BNIPL: variants seen among roughly 807,000 people sequenced by gnomAD.
The protein encoded by BNIPL is BCL2 interacting protein like.
BNIPL carries 33 observed loss-of-function variants against 47.0 expected under a neutral mutation model. That is an observed-to-expected ratio of 0.70 (90% confidence interval 0.53 to 0.94). The LOEUF (loss-of-function observed/expected upper bound fraction) is 0.94. Among genes scored for constraint, BNIPL ranks in the 40% least tolerant of loss-of-function variants. The pLI, the probability that BNIPL is intolerant of heterozygous loss-of-function variation, is 0.00. For missense variants in BNIPL, 404 were observed against 445.2 expected (o/e 0.91, Z 0.83); for synonymous variants, 145 against 162.7 (o/e 0.89, Z 0.83).
At position 151,043,681 on chromosome 1, in the gene BNIPL, C is replaced by G. The variant is rs1307258272; in HGVS notation, c.805C>G (p.Pro269Ala). 6.2e-7 allele frequency: 1 copy of G among 1,613,928 alleles called. No homozygotes were observed. The highest frequency in any genetic ancestry group is 1.1e-5 in the South Asian group (1 of 91,074). Residue 269 changes from proline (P) to alanine (A), a missense_variant, in exon 7 of 10, where the codon CCA becomes GCA. By Grantham distance (27) the Pro-to-Ala change is conservative (BLOSUM62 -1). Coordinates refer to ENST00000368931, the MANE Select transcript of BNIPL (RefSeq NM_138278.4). ...LSGGTSRAQV[P>A]PLSWIRQCYR... Reference sequence around the variant, plus strand: ...TGGAGGCACAAGCAGGGCCCAAGTTCCACCTCTAAGCTGGATACGTCAGTG... The same window carrying G: ...TGGAGGCACAAGCAGGGCCCAAGTTGCACCTCTAAGCTGGATACGTCAGTG...
chr1:151,038,000 CAAAAAAAAAAAAAAAAAAAA>C (rs58423611), intron 2 of BNIPL, among the ~76,000 whole-genome samples: 1 of 63,970 alleles, frequency 1.6e-5, no homozygotes, highest in Non-Finnish European at 2.6e-5. Flanking sequence ...AACTCTGTCT[CAAAAAAAAAAAAAAAAAAAA>C]AAAAAAAAAG....
chr1:151,044,778 GT>G (rs112736066), intron 7 of BNIPL: 16,180 of 917,864 alleles, frequency 0.018, no homozygotes, highest in South Asian at 0.025. Flanking sequence ...TCCTTCTCAG[GT>G]TTTTTTTTTT....
intron 4 of BNIPL, among the ~76,000 whole-genome samples, chr1:151,041,989 A>T (rs1675840040): frequency 6.6e-6 from 1 of 151,998 alleles, no homozygotes; most frequent in Non-Finnish European, 1.5e-5. Context: ...AAAAAAAGGA[A>T]ATAGGAAATA....
chr1:151,037,726 C>A, intron 2 of BNIPL, 64 bp downstream of exon 2: 1 of 1,399,618 alleles, frequency 7.1e-7, no homozygotes, highest in Non-Finnish European at 9.9e-7. Context: ...GAGGGGATGG[C>A]GCGGCGGCTC....
At position 151,043,593 on chromosome 1, in the gene BNIPL, C is replaced by A; in HGVS notation, c.720-3C>A. On this transcript the variant is annotated splice_polypyrimidine_tract_variant and splice_region_variant and intron_variant, in intron 6 of 9. Coordinates refer to ENST00000368931, the MANE Select transcript of BNIPL (RefSeq NM_138278.4). ...TACCTTCCCTGCAATTTCATCCCCCCAGGTATATGGTGGGAACTCTGGAGC... is the reference window on the plus strand; with the variant it reads ...TACCTTCCCTGCAATTTCATCCCCCAAGGTATATGGTGGGAACTCTGGAGC... 1.2e-6 allele frequency: 2 copies of A among 1,610,028 alleles called. No individual in the cohort carries two copies. Among genetic ancestry groups the A allele is most frequent in the Non-Finnish European group, 1.7e-6 (2 of 1,176,496 alleles).
intron 1 of BNIPL, 58 bp downstream of exon 1, chr1:151,036,824 T>G (rs1429291437): frequency 7.3e-6 from 11 of 1,503,418 alleles, no homozygotes; most frequent in South Asian, 6.8e-5. Flanking sequence ...CCGGAGAGAC[T>G]TCCCCACCAC....
At chr1:151,036,914 G>C in intron 1 of BNIPL, 148 bp downstream of exon 1, 1 of 740,768 alleles carries the variant, frequency 1.3e-6, no homozygotes, top group Non-Finnish European at 2.3e-6. Flanking sequence ...GATGAGGGTG[G>C]TTTTAGGTAG....
At chr1:151,043,215 G>C in intron 5 of BNIPL, 77 bp downstream of exon 5, 5 of 1,542,120 alleles carry the variant, frequency 3.2e-6, no homozygotes, top group Non-Finnish European at 4.5e-6. Context: ...TCAGTCATTG[G>C]ATCCAAAATC....
chr1:151,044,793 C>G (rs1310314883), intron 7 of BNIPL: 1 of 1,260,098 alleles, frequency 7.9e-7, no homozygotes, highest in Non-Finnish European at 1.0e-6. Flanking sequence ...TTTTTTTTCC[C>G]CTTTTGGTTC....
chr1:151,044,688 C>T (rs587730997), intron 7 of BNIPL, among the ~76,000 whole-genome samples: 1 of 152,134 alleles, frequency 6.6e-6, no homozygotes, highest in African/African-American at 2.4e-5. Flanking sequence ...CTCCTGAGCT[C>T]AGGTGATCTG....
Position 151,042,940 on chromosome 1 carries a change from C to A in BNIPL, c.434-16C>A, listed in dbSNP as rs1385380592. On this transcript the variant is annotated splice_polypyrimidine_tract_variant and intron_variant, in intron 4 of 9. Coordinates refer to ENST00000368931, the MANE Select transcript of BNIPL (RefSeq NM_138278.4). Reference sequence around the variant, plus strand: ...GAAATCTGCCTTGTTGATCCTTCCCCATCCCTCTCTTTTAGATGAACTACC... The same window carrying A: ...GAAATCTGCCTTGTTGATCCTTCCCAATCCCTCTCTTTTAGATGAACTACC... 1 of 1,517,424 alleles carries A rather than the reference C, an allele frequency of 6.6e-7. No individual in the cohort carries two copies. The highest frequency in any genetic ancestry group is 1.3e-5 in the South Asian group (1 of 75,666). The allele number at this position is 1,517,424 out of a possible 1,614,324, so 94.0% of individuals were successfully genotyped here.
chr1:151,037,670 C>T lies in BNIPL; in HGVS notation c.137+8C>T, dbSNP rs756326693. 35 of 1,583,560 alleles carry T rather than the reference C, an allele frequency of 2.2e-5. No homozygotes were observed. The highest frequency in any genetic ancestry group is 1.7e-4 in the Middle Eastern group (1 of 5,932). ...GGATGAAGAATTCCCTAGGTGAGGA[C>T]GTGTGAGGGTGGCTGGGAGAAGGGA... On this transcript the variant is annotated splice_region_variant and intron_variant, in intron 2 of 9. Transcript: ENST00000368931.
chr1:151,039,200 C>T (rs945161937), intron 4 of BNIPL, among the ~76,000 whole-genome samples, 174 bp downstream of exon 4: 4 of 152,044 alleles, frequency 2.6e-5, no homozygotes, highest in African/African-American at 9.7e-5. Flanking sequence ...TGAGAGTAGT[C>T]AGTAGAGGGG....
In BNIPL at chr1:151,036,757, C is replaced by CA. The variant is rs766919483; in HGVS notation, c.33dup (p.Asp12ArgfsTer31). The CA allele has an allele frequency of 5.6e-5, 91 of 1,610,756 alleles. 1 individual carries two copies. The highest frequency in any genetic ancestry group is 1.7e-6 in the Non-Finnish European group (2 of 1,177,120). On this transcript the variant is annotated frameshift_variant, in exon 1 of 10. Transcript: ENST00000368931. LOFTEE classifies it high-confidence loss of function. ...ACTATACAAGAGGCAGGAAAAAAGACAGATGTTGGGTAAGTAAGATCTTGG... is the reference window on the plus strand; with the variant it reads ...ACTATACAAGAGGCAGGAAAAAAGACAAGATGTTGGGTAAGTAAGATCTTGG...
At position 151,036,622 on chromosome 1, in the gene BNIPL, A is replaced by G. The variant is rs1675604556; in HGVS notation, c.-104A>G. 1 of 1,093,736 alleles carries G rather than the reference A, an allele frequency of 9.1e-7. No individual in the cohort carries two copies. The highest frequency in any genetic ancestry group is 1.6e-5 in the African/African-American group (1 of 64,330). 67.8% of individuals were successfully genotyped at this position (1,093,736 alleles called of 1,614,324 possible). A position where few individuals can be genotyped will look rare whatever the true frequency, so the allele number is the denominator to read the frequency against. On this transcript the variant is annotated 5_prime_UTR_variant, in exon 1 of 10. Transcript: ENST00000368931. The stretch of plus-strand genomic sequence containing the variant: ...CTCCCTCCTTGGAGGCAAGAGCTAC[A>G]ACAGCTGAGACAGAAAAGAGGTAAG...
rs1314737241 is a variant in BNIPL at position 151,038,554 on chromosome 1, G to A, written c.188G>A (p.Gly63Glu). The change falls in exon 3 of 10, where the codon GGA becomes GAA. Residue 63 changes from glycine to glutamate, a missense_variant. Gly to Glu is a moderately conservative substitution (Grantham distance 98). Transcript: ENST00000368931. ...GTSEDPEDPK[G>E]DSQAAAGTPS... ...TCTGAAGATCCTGAAGACCCTAAAG[G>A]AGATTCACAGGCAGGTAGGTCAAGT... The A allele has an allele frequency of 1.2e-6, 2 of 1,613,490 alleles. No homozygotes were observed. Among genetic ancestry groups the A allele is most frequent in the Non-Finnish European group, 1.7e-6 (2 of 1,179,624 alleles).
At chr1:151,042,681 G>T (rs747581214) in intron 4 of BNIPL, among the ~76,000 whole-genome samples, 1 of 152,014 alleles carries the variant, frequency 6.6e-6, no homozygotes, top group African/African-American at 2.4e-5. Context: ...GGGCATGGTG[G>T]TGCATGCCTG....
rs776765256 is a variant in BNIPL at position 151,040,679 on chromosome 1, C to A, written c.433+1653C>A. On this transcript the variant is annotated intron_variant, in intron 4 of 9. Transcript: ENST00000368931. Reference sequence around the variant, plus strand: ...GTATGGTGGCACACACCTGTAATCCCAGCTACTTGGGAGGCTGAGGCAGGA... The same window carrying A: ...GTATGGTGGCACACACCTGTAATCCAAGCTACTTGGGAGGCTGAGGCAGGA... Among the ~76,000 whole-genome samples the A allele has an allele frequency of 2.6e-5, 4 of 151,624 alleles. 1 individual carries two copies. Among genetic ancestry groups the A allele is most frequent in the Admixed American group, 2.0e-4 (3 of 15,208 alleles).
At chr1:151,044,925 A>G (rs1316298084) in intron 7 of BNIPL, 1 of 1,290,686 alleles carries the variant, frequency 7.7e-7, no homozygotes. Flanking sequence ...GAAGCATGCA[A>G]AAGGAACTTA....
Sources: gnomAD v4.1 joint callset for allele counts (sites outside exome capture counted in the v4.1 genomes callset) on GRCh38, gnomAD v4.1.1 for gene constraint, MANE v1.5 for transcripts, NCBI Gene and HGNC (gene_info 2026-07-23, HGNC 2026-07-21) for gene names.